The following LRRTM4 variants were observed in gnomAD, a reference collection of about 807,000 sequenced individuals.
The protein encoded by LRRTM4 is leucine-rich repeat transmembrane neuronal protein 4.
Under a neutral mutation model 47.6 loss-of-function variants are expected in LRRTM4, and 25 were observed. The observed-to-expected ratio is 0.53, with a 90% CI of 0.38 to 0.73. The LOEUF (loss-of-function observed/expected upper bound fraction) is 0.73, where lower values mean the gene tolerates loss of function less well. LRRTM4 is among the 30% of genes least tolerant of loss of function. LRRTM4 has a pLI of 0.00. For synonymous variants in LRRTM4, 311 were observed against 269.5 expected (o/e 1.15, Z -1.51); for missense variants, 638 against 713.4 (o/e 0.89, Z 1.20).
At chr2:77,182,431 G>A (rs1418965224) in intron 3 of LRRTM4, among the ~76,000 whole-genome samples, 2 of 152,086 alleles carry the variant, frequency 1.3e-5, no homozygotes, top group Non-Finnish European at 2.9e-5. Context: ...TTGGAAGTTG[G>A]GGGTGAGGGG....
At chr2:77,128,498 C>T (rs185285695) in intron 3 of LRRTM4, among the ~76,000 whole-genome samples, 1 of 152,166 alleles carries the variant, frequency 6.6e-6, no homozygotes, top group South Asian at 2.1e-4. Flanking sequence ...GACAGTCAGA[C>T]TCTGACACAA....
chr2:77,322,921 C>A (rs1670589794), intron 3 of LRRTM4, among the ~76,000 whole-genome samples: 1 of 150,414 alleles, frequency 6.6e-6, no homozygotes, highest in Admixed American at 6.7e-5. Context: ...ATAACTGTTA[C>A]ATGGATATTT....
At chr2:76,870,648 C>T (rs532762735) in intron 3 of LRRTM4, among the ~76,000 whole-genome samples, 1 of 152,202 alleles carries the variant, frequency 6.6e-6, no homozygotes, top group African/African-American at 2.4e-5. Context: ...TTTTTCTCTT[C>T]CCCTGCACAT....
chr2:76,886,296 T>G (rs1673073699), intron 3 of LRRTM4, among the ~76,000 whole-genome samples: 1 of 152,196 alleles, frequency 6.6e-6, no homozygotes, highest in African/African-American at 2.4e-5. Flanking sequence ...TTTGAGAATT[T>G]CTCATTAATC....
chr2:76,979,699 TA>T (rs1676539112), intron 3 of LRRTM4, among the ~76,000 whole-genome samples: 2 of 65,522 alleles, frequency 3.1e-5, no homozygotes, highest in Admixed American at 1.9e-4. Context: ...GTATAAGCGA[TA>T]GATAGATAGA....
Position 76,768,300 on chromosome 2 carries a change from C to T in LRRTM4, c.1552-19384G>A, listed in dbSNP as rs559818587. 5.9e-5 allele frequency among the ~76,000 whole-genome samples: 9 copies of T among 152,212 alleles called. No individual in the cohort carries two copies. In the East Asian group the frequency reaches 1.7e-3, roughly 29 times the overall value. ...ATGGTAACTTCTTCTATCTATTTTT[C>T]ACAACAAATACACACAACACTTAAT... On this transcript the variant is annotated intron_variant, in intron 3 of 3. Coordinates refer to ENST00000409884, the MANE Select transcript of LRRTM4 (RefSeq NM_001134745.3).
At chr2:77,290,771 C>G (rs1676801886) in intron 3 of LRRTM4, among the ~76,000 whole-genome samples, 1 of 151,970 alleles carries the variant, frequency 6.6e-6, no homozygotes, top group Admixed American at 6.6e-5. Context: ...ACCTGTAATT[C>G]TAGCTTCCTT....
intron 3 of LRRTM4, among the ~76,000 whole-genome samples, chr2:77,030,809 C>T (rs1678625967): frequency 6.6e-6 from 1 of 152,108 alleles, no homozygotes; most frequent in African/African-American, 2.4e-5. Context: ...ATAAGTAATG[C>T]CAAATAATCT....
intron 3 of LRRTM4, among the ~76,000 whole-genome samples, chr2:77,346,228 G>T (rs557264227): frequency 6.6e-6 from 1 of 152,072 alleles, no homozygotes; most frequent in East Asian, 1.9e-4. Context: ...AATAGGCATG[G>T]GGCAGAGTTT....
Position 77,048,954 on chromosome 2 carries a change from A to G in LRRTM4, c.1552-300038T>C, listed in dbSNP as rs1283063946. 9.3e-5 allele frequency among the ~76,000 whole-genome samples: 14 copies of G among 150,332 alleles called. No homozygotes were observed. In the Admixed American group the frequency reaches 9.3e-4, roughly 10 times the overall value. ...TCTTATCCACCCTTTAATAACCACC[A>G]CTCTACTCTCTATTAGTAGAAAATC... On this transcript the variant is annotated intron_variant, in intron 3 of 3. Transcript: ENST00000409884.
chr2:77,182,226 G>T (rs1374797110), intron 3 of LRRTM4, among the ~76,000 whole-genome samples: 1 of 152,142 alleles, frequency 6.6e-6, no homozygotes, highest in African/African-American at 2.4e-5. Flanking sequence ...ATACACCATG[G>T]AATACTATGC....
chr2:76,918,348 A>G (rs1373552057), intron 3 of LRRTM4, among the ~76,000 whole-genome samples: 1 of 152,204 alleles, frequency 6.6e-6, no homozygotes, highest in Admixed American at 6.5e-5. Flanking sequence ...TAATCAAACA[A>G]TAATATTAAT....
At chr2:76,785,549 G>A (rs967962158) in intron 3 of LRRTM4, among the ~76,000 whole-genome samples, 4 of 152,006 alleles carry the variant, frequency 2.6e-5, no homozygotes, top group Admixed American at 2.0e-4. Flanking sequence ...TAACTTGGAA[G>A]GTGTTTCTAG....
At chr2:77,439,089 G>A (rs1675728561) in intron 3 of LRRTM4, among the ~76,000 whole-genome samples, 1 of 152,196 alleles carries the variant, frequency 6.6e-6, no homozygotes, top group African/African-American at 2.4e-5. Flanking sequence ...GGACAGAGCA[G>A]TGTAAAGCTC....
intron 3 of LRRTM4, among the ~76,000 whole-genome samples, chr2:76,779,748 T>G (rs1018042820): frequency 1.3e-5 from 2 of 152,200 alleles, no homozygotes; most frequent in African/African-American, 4.8e-5. Context: ...ATTGGAGCAT[T>G]TAGTCCAGTT....
chr2:77,087,636 C>A (rs1461628388), intron 3 of LRRTM4, among the ~76,000 whole-genome samples: 1 of 152,038 alleles, frequency 6.6e-6, no homozygotes, highest in Non-Finnish European at 1.5e-5. Flanking sequence ...TTATCAGGAA[C>A]AATAAGAAAC....
At chr2:76,937,659 C>T (rs1315894805) in intron 3 of LRRTM4, among the ~76,000 whole-genome samples, 11 of 152,192 alleles carry the variant, frequency 7.2e-5, no homozygotes, top group Non-Finnish European at 1.2e-4. Flanking sequence ...ACCTCCGCCT[C>T]CCGTGGGCAA....
rs187626093 is a variant in LRRTM4, at chr2:76,924,617, C to T, written c.1552-175701G>A. Among the ~76,000 whole-genome samples, 158 of 152,196 alleles carry T rather than the reference C, an allele frequency of 1.0e-3. 2 individuals are homozygous for T. In the East Asian group the frequency reaches 0.019, roughly 19 times the overall value. On this transcript the variant is annotated intron_variant, in intron 3 of 3. Transcript: ENST00000409884. Reference sequence around the variant, plus strand: ...TTCTTTTAAAAATGCACATTAGTCTCAACACTACTGATATATTATGAAACA... The same window carrying T: ...TTCTTTTAAAAATGCACATTAGTCTTAACACTACTGATATATTATGAAACA...
At chr2:76,921,334 G>C (rs779905784) in intron 3 of LRRTM4, among the ~76,000 whole-genome samples, 16 of 152,046 alleles carry the variant, frequency 1.1e-4, no homozygotes, top group Non-Finnish European at 2.1e-4. Flanking sequence ...TCCCTTCTCA[G>C]CTATCATATG....
Sources: gnomAD v4.1 joint callset for allele counts (sites outside exome capture counted in the v4.1 genomes callset) on GRCh38, gnomAD v4.1.1 for gene constraint, MANE v1.5 for transcripts, NCBI Gene and HGNC (gene_info 2026-07-23, HGNC 2026-07-21) for gene names.